TTC13: variants seen among roughly 807,000 people sequenced by gnomAD.
TTC13 encodes the protein tetratricopeptide repeat protein 13.
A neutral mutation model predicts 120.0 loss-of-function variants in TTC13; 62 were observed. That is an observed-to-expected ratio of 0.52 (90% CI 0.42 to 0.64). The LOEUF (loss-of-function observed/expected upper bound fraction) is 0.64, where lower values mean the gene tolerates loss of function less well. Among genes scored for constraint, TTC13 ranks in the 30% least tolerant of loss-of-function variants. The probability of loss-of-function intolerance (pLI) is 0.00; values close to 1 mark genes in which losing one functional copy is unlikely to be tolerated. For synonymous variants in TTC13, 384 were observed against 393.5 expected (o/e 0.98, Z 0.28); for missense variants, 824 against 1,050.2 (o/e 0.78, Z 2.98).
chr1:230,938,608 A>G (rs1190916233), intron 8 of TTC13, among the ~76,000 whole-genome samples: 1 of 152,144 alleles, frequency 6.6e-6, no homozygotes, highest in Non-Finnish European at 1.5e-5. Flanking sequence ...GGGTCTCCCA[A>G]CCTGTTCCTG....
intron 12 of TTC13, 72 bp downstream of exon 12, chr1:230,928,865 G>A (rs950029): frequency 0.51 from 780,643 of 1,528,666 alleles, 202,717 homozygotes; most frequent in Admixed American, 0.64. Flanking sequence ...AGGGAGTAGC[G>A]TGCCACCATG....
chr1:230,933,704 A>T, intron 9 of TTC13, 75 bp downstream of exon 9: 1 of 761,322 alleles, frequency 1.3e-6, no homozygotes, highest in Non-Finnish European at 2.1e-6. Context: ...TATTTCTTTT[A>T]AATATTATGT....
intron 12 of TTC13, among the ~76,000 whole-genome samples, chr1:230,926,453 G>T (rs952107115): frequency 6.6e-6 from 1 of 152,140 alleles, no homozygotes; most frequent in Non-Finnish European, 1.5e-5. Context: ...CTTATGCCTG[G>T]CAAGTTCCCA....
intron 1 of TTC13, among the ~76,000 whole-genome samples, chr1:230,968,184 T>TC (rs140473990): frequency 2.3e-5 from 3 of 130,902 alleles, no homozygotes; most frequent in Admixed American, 8.3e-5. Context: ...CCTATGGTGG[T>TC]GGGGGGGGGG....
At chr1:230,965,150 T>C (rs569320807) in intron 1 of TTC13, among the ~76,000 whole-genome samples, 5 of 152,044 alleles carry the variant, frequency 3.3e-5, no homozygotes, top group African/African-American at 1.2e-4. Context: ...TTGAAAAGCT[T>C]CCCCACAGCA....
intron 17 of TTC13, among the ~76,000 whole-genome samples, chr1:230,919,412 G>A (rs750031166): frequency 7.9e-4 from 120 of 152,092 alleles, no homozygotes; most frequent in Non-Finnish European, 1.4e-3. Flanking sequence ...TTTTTATAAC[G>A]GCATGAATCC....
At position 230,940,121 on chromosome 1, in the gene TTC13, C is replaced by G. The variant is rs1477387327; in HGVS notation, c.789+319G>C. 2.6e-5 allele frequency among the ~76,000 whole-genome samples: 4 copies of G among 152,204 alleles called. No individual in the cohort carries two copies. Among genetic ancestry groups the G allele is most frequent in the African/African-American group, 4.8e-5 (2 of 41,450 alleles). ...GTTTAATAATCACATTGACAACATG[C>G]ACACCTGCTTCCCTATGAGGACATT... On this transcript the variant is annotated intron_variant, in intron 7 of 22. Transcript: ENST00000366661. This position sits in a 1 kb window ranked among gnomAD's most constrained non-coding sequence, Gnocchi z 4.1.
At chr1:230,915,806 T>A (rs183196335) in intron 18 of TTC13, among the ~76,000 whole-genome samples, 1 of 152,042 alleles carries the variant, frequency 6.6e-6, no homozygotes, top group African/African-American at 2.4e-5. Context: ...TCTATATATA[T>A]ATAGATTGGC....
Position 230,906,829 on chromosome 1 carries a change from T to C in TTC13, c.*76A>G. 1.6e-6 allele frequency: 1 copy of C among 627,912 alleles called. No individual in the cohort carries two copies. Among genetic ancestry groups the C allele is most frequent in the Non-Finnish European group, 2.5e-6 (1 of 398,334 alleles). 38.9% of individuals were successfully genotyped at this position (627,912 alleles called of 1,614,324 possible). A position where few individuals can be genotyped will look rare whatever the true frequency, so the allele number is the denominator to read the frequency against. On this transcript the variant is annotated 3_prime_UTR_variant, in exon 23 of 23. Transcript: ENST00000366661. ...AAAGTAATAGAGGACCTAATTTCTT[T>C]ATAATTCCATGTTTTAAAAAATAAC...
intron 18 of TTC13, among the ~76,000 whole-genome samples, chr1:230,915,077 A>G (rs1337647592): frequency 6.6e-6 from 1 of 152,236 alleles, no homozygotes; most frequent in Non-Finnish European, 1.5e-5. Context: ...TTTGATAAGA[A>G]GCTTGAGGTA....
intron 8 of TTC13, 58 bp from the exon 9 acceptor site, chr1:230,933,919 C>T: frequency 8.9e-7 from 1 of 1,120,910 alleles, no homozygotes; most frequent in Non-Finnish European, 1.3e-6. Flanking sequence ...TTGAGATTCA[C>T]TTAAATCATA....
intron 14 of TTC13, among the ~76,000 whole-genome samples, chr1:230,924,447 C>G (rs1226164947): frequency 6.6e-6 from 1 of 152,204 alleles, no homozygotes; most frequent in African/African-American, 2.4e-5. Flanking sequence ...ATTCTCCTGC[C>G]TCAGCCTCCG....
At chr1:230,926,569 G>A (rs187157621) in intron 12 of TTC13, among the ~76,000 whole-genome samples, 138 of 152,234 alleles carry the variant, frequency 9.1e-4, no homozygotes, top group African/African-American at 3.3e-3. Context: ...GGAGTGGTAG[G>A]AATCCCCTCG....
intron 19 of TTC13, 74 bp downstream of exon 19, chr1:230,912,549 A>G: frequency 6.6e-7 from 1 of 1,507,432 alleles, no homozygotes; most frequent in Non-Finnish European, 9.0e-7. Flanking sequence ...AATCTCAGTG[A>G]AAGGGCAGAG....
intron 2 of TTC13, among the ~76,000 whole-genome samples, chr1:230,960,037 C>T (rs12097172): frequency 0.32 from 48,446 of 152,122 alleles, 7,815 homozygotes; most frequent in Middle Eastern, 0.48. Flanking sequence ...GTATTCCTAA[C>T]ACTCACCTAG....
intron 4 of TTC13, among the ~76,000 whole-genome samples, chr1:230,947,411 T>TG (rs1385456769): frequency 6.6e-6 from 1 of 152,144 alleles, no homozygotes; most frequent in Non-Finnish European, 1.5e-5. Context: ...AACCGAACCC[T>TG]GGCCAGGCTG....
Position 230,908,770 on chromosome 1 carries a change from T to C in TTC13, c.2410A>G (p.Thr804Ala). 1 of 1,613,668 alleles carries C rather than the reference T, an allele frequency of 6.2e-7. No homozygotes were observed. The highest frequency in any genetic ancestry group is 8.5e-7 in the Non-Finnish European group (1 of 1,179,590). ...CTAAAGGCCTCTGAACCAGGGGCTG[T>C]CATAGCTTCAAAGTCGACTAACTGA... ...KGKLVDFEAM[T>A]APGSEAFSKV... The change falls in exon 22 of 23, where the codon ACA (threonine) becomes GCA (alanine). Residue 804 changes from threonine (T) to alanine (A), a missense_variant. Thr to Ala is a moderately conservative substitution (Grantham distance 58). This residue lies in a region of TTC13 where 226 missense variants were observed against 259.1 expected (regional missense o/e 0.87). Coordinates refer to ENST00000366661, the MANE Select transcript of TTC13 (RefSeq NM_024525.5).
intron 15 of TTC13, among the ~76,000 whole-genome samples, chr1:230,922,878 C>T (rs1672711595): frequency 6.6e-6 from 1 of 152,198 alleles, no homozygotes; most frequent in Non-Finnish European, 1.5e-5. Context: ...CACAGCACAG[C>T]ACAGCACACT....
At chr1:230,931,954 T>C (rs1313804919) in intron 9 of TTC13, 77 bp from the exon 10 acceptor site, 2 of 1,411,748 alleles carry the variant, frequency 1.4e-6, no homozygotes, top group Admixed American at 1.9e-5. Context: ...CTCAGAATTA[T>C]GGACCAATAT....
Sources: gnomAD v4.1 joint callset for allele counts (sites outside exome capture counted in the v4.1 genomes callset) on GRCh38, gnomAD v4.1.1 for gene constraint, gnomAD v4.1.1 regional missense constraint, Gnocchi (gnomAD v3.1) non-coding constraint, MANE v1.5 for transcripts, NCBI Gene and HGNC (gene_info 2026-07-23, HGNC 2026-07-21) for gene names.